RORA: variants seen among roughly 807,000 people sequenced by gnomAD.
RORA encodes RAR related orphan receptor A, also known as nuclear receptor ROR-alpha.
A neutral mutation model predicts 69.5 loss-of-function variants in RORA; 7 were observed. That is an observed-to-expected ratio of 0.10 (90% confidence interval 0.06 to 0.19). The LOEUF (loss-of-function observed/expected upper bound fraction) is 0.19, where lower values mean the gene tolerates loss of function less well. RORA is among the 10% of genes least tolerant of loss of function. The pLI is 1.00. For missense variants in RORA, 457 were observed against 663.0 expected (o/e 0.69, Z 3.41); for synonymous variants, 261 against 240.8 (o/e 1.08, Z -0.78).
intron 1 of RORA, among the ~76,000 whole-genome samples, chr15:60,934,884 T>C (rs1892476610): frequency 6.6e-6 from 1 of 152,244 alleles, no homozygotes; most frequent in Admixed American, 6.5e-5. Flanking sequence ...ACCTATGCCA[T>C]TGGCTGCACT....
chr15:60,686,993 GC>G (rs1278853164), intron 1 of RORA: 5 of 152,304 alleles, frequency 3.3e-5, no homozygotes, highest in Admixed American at 3.3e-4. Context: ...CTGGTCTGCA[GC>G]TCCCCCCAGA....
rs144934010 is a variant in RORA at position 60,768,088 on chromosome 15, G to T, written c.167-89402C>A. On this transcript the variant is annotated intron_variant, in intron 1 of 10. Transcript: ENST00000335670. ...GGGGGAAGTGAAATTGAATTGGAAGGGTCAACAGTAAATTCTATCTGTGTT... is the reference window on the plus strand; with the variant it reads ...GGGGGAAGTGAAATTGAATTGGAAGTGTCAACAGTAAATTCTATCTGTGTT... Among the ~76,000 whole-genome samples the T allele has an allele frequency of 2.6e-4, 39 of 152,276 alleles. No homozygotes were observed. The East Asian group carries it at 6.2e-3, about 24-fold the overall frequency.
At chr15:60,715,655 T>G (rs766984144) in intron 1 of RORA, among the ~76,000 whole-genome samples, 1 of 152,208 alleles carries the variant, frequency 6.6e-6, no homozygotes, top group African/African-American at 2.4e-5. Flanking sequence ...CAATTGGGGT[T>G]CCTTTAGCTT....
chr15:60,505,033 C>T (rs1398597915), intron 6 of RORA, among the ~76,000 whole-genome samples: 8 of 152,190 alleles, frequency 5.3e-5, no homozygotes, highest in Non-Finnish European at 1.2e-4. Context: ...ATTTGTCAGC[C>T]TCATATTGCT....
intron 2 of RORA, among the ~76,000 whole-genome samples, chr15:60,589,536 C>A (rs1365130792): frequency 6.6e-6 from 1 of 152,160 alleles, no homozygotes; most frequent in African/African-American, 2.4e-5. Flanking sequence ...AACAAGTGCT[C>A]CCCCGATTAT....
At chr15:60,581,277 C>A (rs1322816824) in intron 2 of RORA, among the ~76,000 whole-genome samples, 2 of 152,152 alleles carry the variant, frequency 1.3e-5, no homozygotes, top group Admixed American at 1.3e-4. Context: ...CTGCCAAAAC[C>A]CTGAGACATC....
chr15:61,028,145 T>C (rs1276819807), intron 1 of RORA, among the ~76,000 whole-genome samples: 1 of 152,230 alleles, frequency 6.6e-6, no homozygotes, highest in East Asian at 1.9e-4. Context: ...TGGCTCACAA[T>C]GTATTCACAT....
At chr15:60,886,315 G>A (rs918586435) in intron 1 of RORA, among the ~76,000 whole-genome samples, 5 of 152,166 alleles carry the variant, frequency 3.3e-5, no homozygotes, top group Admixed American at 6.5e-5. Flanking sequence ...TGAAGTGACT[G>A]GACAAAGGTG....
chr15:60,709,855 C>T (rs2071118937), intron 1 of RORA, among the ~76,000 whole-genome samples: 1 of 152,044 alleles, frequency 6.6e-6, no homozygotes, highest in South Asian at 2.1e-4. Context: ...ACACTCCTGC[C>T]CCACTCTGTG....
intron 1 of RORA, among the ~76,000 whole-genome samples, chr15:60,988,011 T>C (rs1381364070): frequency 3.9e-5 from 6 of 152,242 alleles, no homozygotes; most frequent in Non-Finnish European, 7.3e-5. Context: ...CGTGGCAGCT[T>C]GGCCTGCTGT....
At chr15:60,868,242 T>C (rs1595778445) in intron 1 of RORA, among the ~76,000 whole-genome samples, 1 of 152,176 alleles carries the variant, frequency 6.6e-6, no homozygotes, top group African/African-American at 2.4e-5. Flanking sequence ...ATGGTCCCTG[T>C]CACTGGAGGT....
intron 1 of RORA, among the ~76,000 whole-genome samples, chr15:61,120,632 C>T (rs545420640): frequency 3.5e-5 from 5 of 142,304 alleles, no homozygotes; most frequent in South Asian, 2.5e-4. Flanking sequence ...ACCCGGGAGG[C>T]GGAGCTTGCA....
chr15:60,898,852 A>G (rs915922620), intron 1 of RORA, among the ~76,000 whole-genome samples: 1 of 152,208 alleles, frequency 6.6e-6, no homozygotes, highest in East Asian at 1.9e-4. Context: ...AAAAGGTTCT[A>G]TCTAGCATAC....
At chr15:61,003,272 T>C (rs565205041) in intron 1 of RORA, among the ~76,000 whole-genome samples, 1 of 152,196 alleles carries the variant, frequency 6.6e-6, no homozygotes, top group Admixed American at 6.5e-5. Flanking sequence ...TTAACCGTTA[T>C]AAGAAATAAT....
intron 2 of RORA, among the ~76,000 whole-genome samples, chr15:60,579,294 G>A (rs1425271427): frequency 6.6e-6 from 1 of 152,082 alleles, no homozygotes; most frequent in Non-Finnish European, 1.5e-5. Flanking sequence ...GAGGGCCTTG[G>A]GGCCCCGCAG....
intron 1 of RORA, among the ~76,000 whole-genome samples, chr15:60,856,577 T>A (rs2073383063): frequency 1.3e-5 from 2 of 151,778 alleles, no homozygotes; most frequent in Non-Finnish European, 1.5e-5. Flanking sequence ...TGCAAATGAA[T>A]TAATACTTTT....
chr15:61,178,481 G>GGA, intron 1 of RORA, among the ~76,000 whole-genome samples: 1 of 151,646 alleles, frequency 6.6e-6, no homozygotes, highest in South Asian at 2.1e-4. Context: ...AGAAAAATAT[G>GGA]GATAAATATA....
At chr15:60,928,969 T>C (rs1435783369) in intron 1 of RORA, among the ~76,000 whole-genome samples, 4 of 152,142 alleles carry the variant, frequency 2.6e-5, no homozygotes, top group Non-Finnish European at 4.4e-5. Context: ...TTTTTAATCT[T>C]GAATTGTTTG....
intron 1 of RORA, among the ~76,000 whole-genome samples, chr15:60,883,981 T>C (rs2073721281): frequency 6.6e-6 from 1 of 152,170 alleles, no homozygotes; most frequent in Admixed American, 6.5e-5. Context: ...TTTGAGCTTT[T>C]CTCCCACTGG....
Sources: gnomAD v4.1 joint callset for allele counts (sites outside exome capture counted in the v4.1 genomes callset) on GRCh38, gnomAD v4.1.1 for gene constraint, MANE v1.5 for transcripts, NCBI Gene and HGNC (gene_info 2026-07-23, HGNC 2026-07-21) for gene names.